Variants in DGCR2 observed in about 807,000 individuals in gnomAD.
The protein encoded by DGCR2 is DiGeorge syndrome critical region gene 2.
Under a neutral mutation model 51.6 loss-of-function variants are expected in DGCR2, and 24 were observed. The ratio of observed to expected loss-of-function variants is 0.47; its 90% CI spans 0.34 to 0.65. The LOEUF is 0.65. Among genes scored for constraint, DGCR2 ranks in the 30% least tolerant of loss-of-function variants. The probability of loss-of-function intolerance (pLI) is 0.01; values close to 1 mark genes in which losing one functional copy is unlikely to be tolerated. For synonymous variants in DGCR2, 340 were observed against 315.4 expected, an observed-to-expected ratio of 1.08 and a Z score of -0.82; for missense variants, 765 against 772.1, an observed-to-expected ratio of 0.99 and a Z score of 0.11.
chr22:19,066,098 G>A (rs2082745400), intron 3 of DGCR2, among the ~76,000 whole-genome samples: 1 of 152,178 alleles, frequency 6.6e-6, no homozygotes, highest in African/African-American at 2.4e-5. Context: ...AGCTCTTTAG[G>A]TGCAGACAAG....
At position 19,036,927 on chromosome 22, in the gene DGCR2, GCACA is replaced by G. The variant is rs1011805261; in HGVS notation, c.*1934_*1937del. ...CATCTCGTGCCAGCCACCCTGTCCC[GCACA>G]CACAGTTCTGAGGCCTGGCAGGAAT... On this transcript the variant is annotated 3_prime_UTR_variant, in exon 10 of 10. Transcript: ENST00000263196. 2 of 152,398 alleles carry G rather than the reference GCACA, an allele frequency of 1.3e-5. No homozygotes were observed. The highest frequency in any genetic ancestry group is 6.5e-5 in the Admixed American group (1 of 15,282). 9.4% of individuals were successfully genotyped at this position (152,398 alleles called of 1,614,324 possible).
intron 6 of DGCR2, among the ~76,000 whole-genome samples, chr22:19,054,588 T>C (rs893838456): frequency 6.6e-6 from 1 of 152,104 alleles, no homozygotes; most frequent in Non-Finnish European, 1.5e-5. Context: ...TAATATAGTA[T>C]AATACAGAAA....
At chr22:19,083,999 G>A (rs1303049829) in intron 2 of DGCR2, among the ~76,000 whole-genome samples, 2 of 152,180 alleles carry the variant, frequency 1.3e-5, no homozygotes, top group Non-Finnish European at 2.9e-5. Flanking sequence ...CGGGATTGCA[G>A]ACGGAGTCTC....
At position 19,052,398 on chromosome 22, in the gene DGCR2, A is replaced by C. The variant is rs141869991; in HGVS notation, c.803-3755T>G. On this transcript the variant is annotated intron_variant, in intron 6 of 9. Transcript: ENST00000263196. ...GCCACTGCACTCCAGCCTGGGCAAC[A>C]GAGAAAGACTCTGTCTCACACACAC... Among the ~76,000 whole-genome samples the C allele has an allele frequency of 7.7e-3, 1,163 of 150,462 alleles. 19 individuals are homozygous for C. Among genetic ancestry groups the C allele is most frequent in the African/African-American group, 0.027 (1,102 of 40,572 alleles).
intron 2 of DGCR2, among the ~76,000 whole-genome samples, chr22:19,087,917 T>G (rs1414830115): frequency 6.6e-6 from 1 of 152,156 alleles, no homozygotes; most frequent in Non-Finnish European, 1.5e-5. Context: ...ACTCCTGGCC[T>G]AAAGCGATCC....
chr22:19,093,462 CTTGG>C (rs762924265), intron 1 of DGCR2, among the ~76,000 whole-genome samples: 10 of 151,970 alleles, frequency 6.6e-5, no homozygotes, highest in Non-Finnish European at 1.2e-4. Flanking sequence ...TCTTCGCACC[CTTGG>C]TTTAAGCAAA....
intron 5 of DGCR2, among the ~76,000 whole-genome samples, chr22:19,062,807 T>TCTCTCTCTCTCTCTCTCTCTCTCTCTCTC (rs397967453): frequency 6.1e-5 from 9 of 147,104 alleles, no homozygotes; most frequent in East Asian, 2.0e-4. Context: ...TCTCTCTCTC[T>TCTCTCTCTCTCTCTCTCTCTCTCTCTCTC]ATCTGCCTGA....
intron 2 of DGCR2, among the ~76,000 whole-genome samples, chr22:19,088,115 G>T (rs2083038596): frequency 6.6e-6 from 1 of 152,208 alleles, no homozygotes; most frequent in South Asian, 2.1e-4. Flanking sequence ...TGGTTGGAAT[G>T]AATTGGTTTT....
chr22:19,086,372 A>C (rs1601259706), intron 2 of DGCR2, among the ~76,000 whole-genome samples: 1 of 152,026 alleles, frequency 6.6e-6, no homozygotes, highest in Non-Finnish European at 1.5e-5. Flanking sequence ...CCAGCTACTC[A>C]GGAGGCTGAG....
Position 19,074,293 on chromosome 22 carries a change from G to C in DGCR2, c.203-6068C>G, listed in dbSNP as rs997917626. Among the ~76,000 whole-genome samples, 4 of 151,874 alleles carry C rather than the reference G, an allele frequency of 2.6e-5. No individual in the cohort carries two copies. The South Asian group carries it at 8.3e-4, about 32-fold the overall frequency. On this transcript the variant is annotated intron_variant, in intron 2 of 9. Coordinates refer to ENST00000263196, the MANE Select transcript of DGCR2 (RefSeq NM_005137.3). Reference sequence around the variant, plus strand: ...ATACAAAAATTAGCTGGGTGTGGTGGCATGCACCTGTAATCCCGGCTACTC... The same window carrying C: ...ATACAAAAATTAGCTGGGTGTGGTGCCATGCACCTGTAATCCCGGCTACTC...
rs780985573 is a variant in DGCR2, at chr22:19,041,009, G to A, written c.1396+49C>T. 2.1e-5 allele frequency: 31 copies of A among 1,488,398 alleles called. No homozygotes were observed. In the South Asian group the frequency reaches 2.7e-4, roughly 13 times the overall value. The allele number at this position is 1,488,398 out of a possible 1,614,324, so 92.2% of individuals were successfully genotyped here. A position where few individuals can be genotyped will look rare whatever the true frequency, so the allele number is the denominator to read the frequency against. The stretch of plus-strand genomic sequence containing the variant: ...GCAAGAGTGCTGGGCTCAGCCCCAC[G>A]TGCCAGGTTACTTGACAAGGTGTTC... On this transcript the variant is annotated intron_variant, in intron 9 of 9. Transcript: ENST00000263196.
chr22:19,056,556 A>T, intron 6 of DGCR2: 1 of 308,088 alleles, frequency 3.2e-6, no homozygotes, highest in Non-Finnish European at 5.8e-6. Context: ...GGCTTTAATA[A>T]AAAAAAAAAA....
At chr22:19,098,451 AGAT>A (rs1487347083) in intron 1 of DGCR2, among the ~76,000 whole-genome samples, 1 of 152,220 alleles carries the variant, frequency 6.6e-6, no homozygotes, top group Non-Finnish European at 1.5e-5. Flanking sequence ...AAGCAGCTGC[AGAT>A]AATATGGGAA....
At chr22:19,080,269 C>A (rs1194957521) in intron 2 of DGCR2, among the ~76,000 whole-genome samples, 1 of 152,194 alleles carries the variant, frequency 6.6e-6, no homozygotes, top group Admixed American at 6.5e-5. Context: ...ATTTTGCAGA[C>A]TTTAAGTGCT....
intron 1 of DGCR2, among the ~76,000 whole-genome samples, chr22:19,119,796 A>T (rs1160557856): frequency 1.3e-5 from 2 of 150,762 alleles, no homozygotes; most frequent in East Asian, 1.9e-4. Context: ...TTGCTGCCCC[A>T]TAACTCCATG....
chr22:19,094,100 T>C (rs2083111587), intron 1 of DGCR2, among the ~76,000 whole-genome samples: 1 of 152,224 alleles, frequency 6.6e-6, no homozygotes, highest in Non-Finnish European at 1.5e-5. Context: ...CATGAAAAGA[T>C]GCTCAACGTC....
intron 9 of DGCR2, among the ~76,000 whole-genome samples, chr22:19,039,667 C>T (rs1374268613): frequency 6.6e-6 from 1 of 152,162 alleles, no homozygotes; most frequent in African/African-American, 2.4e-5. Flanking sequence ...CCAAGGCAGG[C>T]TGTGTGGTAG....
At chr22:19,091,079 A>AG (rs59781655) in intron 1 of DGCR2, among the ~76,000 whole-genome samples, 74,891 of 151,992 alleles carry the variant, frequency 0.49, 19,568 homozygotes, top group African/African-American at 0.68. Context: ...GGGCAGGTAC[A>AG]TGGCTCATTC....
Position 19,068,166 on chromosome 22 carries a change from G to T in DGCR2, c.262C>A (p.Arg88=). ...GKEAVDPRQG[R]ARGGDPSHFH... ...TGCGAAGGGTCGCCTCCTCTGGCCC[G>T]CCCCTGCCGCGGATCCACAGCCTCC... The change falls in exon 3 of 10, where the codon CGG becomes AGG. Residue 88 remains arginine, a synonymous_variant. Transcript: ENST00000263196. 1.2e-6 allele frequency: 2 copies of T among 1,610,990 alleles called. No homozygotes were observed. Among genetic ancestry groups the T allele is most frequent in the Middle Eastern group, 1.7e-4 (1 of 6,044 alleles).
Sources: allele counts gnomAD v4.1 joint callset (sites outside exome capture counted in the v4.1 genomes callset), GRCh38; gene constraint gnomAD v4.1.1; transcripts MANE v1.5; gene names NCBI Gene and HGNC (gene_info 2026-07-23, HGNC 2026-07-21).